Variants in TAOK2 observed in about 807,000 individuals in gnomAD.
TAOK2 encodes the protein TAO kinase 2, also known as serine/threonine-protein kinase TAO2.
Under a neutral mutation model 122.5 loss-of-function variants are expected in TAOK2, and 42 were observed. The observed-to-expected ratio is 0.34, with a 90% CI of 0.27 to 0.44. TAOK2 has a LOEUF of 0.44. Ranked by LOEUF, TAOK2 falls within the 20% of genes least tolerant of loss-of-function variation. TAOK2 has a pLI of 1.00. For synonymous variants in TAOK2, 704 were observed against 677.6 expected (o/e 1.04, Z -0.61); for missense variants, 1,264 against 1,644.9 (o/e 0.77, Z 4.01).
In TAOK2 at chr16:29,978,758, G is replaced by T; in HGVS notation, c.307-41G>T. 6.2e-7 allele frequency: 1 copy of T among 1,612,536 alleles called. No individual in the cohort carries two copies. Among genetic ancestry groups the T allele is most frequent in the Non-Finnish European group, 8.5e-7 (1 of 1,178,714 alleles). ...CAAGGAAGCTCTGTTTTGAGTCCCT[G>T]CCCAGGAGACTCTGATCTCTGACCC... On this transcript the variant is annotated intron_variant, in intron 4 of 15. Transcript: ENST00000308893.
At chr16:29,975,499 G>T (rs919048094) in intron 1 of TAOK2, among the ~76,000 whole-genome samples, 2 of 152,182 alleles carry the variant, frequency 1.3e-5, no homozygotes, top group Non-Finnish European at 2.9e-5. Context: ...CCAGGCTGGG[G>T]TGAGGTTTAA....
Position 29,974,226 on chromosome 16 carries a change from T to C in TAOK2, c.-458T>C, listed in dbSNP as rs1247659275. The C allele has an allele frequency of 6.6e-6, 1 of 152,444 alleles. No homozygotes were observed. The highest frequency in any genetic ancestry group is 1.5e-5 in the Non-Finnish European group (1 of 68,054). The allele number at this position is 152,444 out of a possible 1,614,324, so 9.4% of individuals were successfully genotyped here. ...GATACCCGGGTAACAGTCCTCATAG[T>C]CCAGATATCCGGGACTCGGGTCCCA... On this transcript the variant is annotated 5_prime_UTR_variant, in exon 1 of 16. Coordinates refer to ENST00000308893, the MANE Select transcript of TAOK2 (RefSeq NM_016151.4).
At chr16:29,982,023 A>G in intron 10 of TAOK2, 83 bp downstream of exon 10, 3 of 1,171,248 alleles carry the variant, frequency 2.6e-6, no homozygotes, top group Non-Finnish European at 3.7e-6. Flanking sequence ...AGTGGTTCCC[A>G]GTTCCTCCTC....
In TAOK2 at chr16:29,987,033, T is replaced by C; in HGVS notation, c.2761T>C (p.Cys921Arg). Residue 921 changes from cysteine to arginine, a missense_variant, in exon 16 of 16, where the codon TGT (cysteine) becomes CGT (arginine). Coordinates refer to ENST00000308893, the MANE Select transcript of TAOK2 (RefSeq NM_016151.4). ...IGTPRDPGDG[C>R]PSPDIPPEPP... ...GACCCCTAGGGATCCTGGAGATGGT[T>C]GTCCTTCCCCCGACATCCCTCCTGA... The C allele has an allele frequency of 6.2e-7, 1 of 1,612,198 alleles. No individual in the cohort carries two copies. Among genetic ancestry groups the C allele is most frequent in the Non-Finnish European group, 8.5e-7 (1 of 1,178,898 alleles).
rs78092725 is a variant in TAOK2 at position 29,987,657 on chromosome 16, G to A, written c.3385G>A (p.Val1129Ile). 1,565 of 1,613,694 alleles carry A rather than the reference G, an allele frequency of 9.7e-4. 2 individuals carry two copies. Among genetic ancestry groups the A allele is most frequent in the Middle Eastern group, 9.1e-3 (55 of 6,060 alleles). Residue 1129 changes from valine (V) to isoleucine (I), a missense_variant, in exon 16 of 16, where the codon GTC (valine) becomes ATC (isoleucine). Around this residue, in one of 4 missense-constraint regions of TAOK2, gnomAD observed 824 missense variants for 908.7 expected, o/e 0.91. Coordinates refer to ENST00000308893, the MANE Select transcript of TAOK2 (RefSeq NM_016151.4). ...GGATGGCTTCCGCAGCCGCCTGCCC[G>A]TCCCTGGGCCCCGGCGGCGTAATCC... The part of the protein sequence containing the change: ...NKDGFRSRLP[V>I]PGPRRRNPRT...
At chr16:29,988,533 C>T (rs1161981681), downstream of TAOK2, 1 of 1,163,686 alleles carries the variant, frequency 8.6e-7, no homozygotes, top group Non-Finnish European at 1.1e-6. Flanking sequence ...ACTCCTCCAG[C>T]CTCATGCTCT....
Position 29,987,563 on chromosome 16 carries a change from C to A in TAOK2, c.3291C>A (p.Phe1097Leu), listed in dbSNP as rs1423760081. The A allele has an allele frequency of 1.2e-6, 2 of 1,612,790 alleles. No individual in the cohort carries two copies. Among genetic ancestry groups the A allele is most frequent in the African/African-American group, 1.3e-5 (1 of 75,008 alleles). ...RVLLRLSPMAFRALQGCGAVG... is the reference protein window; with the variant it reads ...RVLLRLSPMALRALQGCGAVG... ...TGCTGCGCCTGTCACCCATGGCCTT[C>A]CGGGCCCTGCAGGGCTGTGGGGCTG... Residue 1097 changes from phenylalanine to leucine, a missense_variant, in exon 16 of 16, where the codon TTC becomes TTA. Physicochemically the swap from Phe to Leu is conservative, Grantham distance 22 (BLOSUM62 0). Transcript: ENST00000308893.
At chr16:29,983,438 C>A in intron 12 of TAOK2, 65 bp from the exon 13 acceptor site, 1 of 1,566,480 alleles carries the variant, frequency 6.4e-7, no homozygotes, top group Admixed American at 1.8e-5. Flanking sequence ...ATTGGCTGTC[C>A]TCAGGTAGCT....
chr16:29,987,165 C>A lies in TAOK2; in HGVS notation c.2893C>A (p.Leu965Ile), dbSNP rs1279600569. ...LSFAVGSSSG[L>I]LPLLLLLLLP... ...CTTTGCAGTGGGGTCCTCCTCTGGC[C>A]TCCTGCCCCTCCTGCTGCTGCTGCT... Residue 965 changes from leucine to isoleucine, a missense_variant, in exon 16 of 16, where the codon CTC (leucine) becomes ATC (isoleucine). Leu to Ile is a conservative substitution (Grantham distance 5). Coordinates refer to ENST00000308893, the MANE Select transcript of TAOK2 (RefSeq NM_016151.4). 1 of 1,562,936 alleles carries A rather than the reference C, an allele frequency of 6.4e-7. No individual in the cohort carries two copies. The highest frequency in any genetic ancestry group is 8.6e-7 in the Non-Finnish European group (1 of 1,159,832).
At chr16:29,989,211 CTT>C (rs1427790701), downstream of TAOK2, 2 of 985,250 alleles carry the variant, frequency 2.0e-6, no homozygotes, top group African/African-American at 3.5e-5. Context: ...GTCTCTCCCT[CTT>C]TGCCTGGTCA....
In TAOK2 at chr16:29,978,975, G is replaced by A. The variant is rs1387706667; in HGVS notation, c.354G>A (p.Val118=). The A allele has an allele frequency of 3.7e-6, 6 of 1,614,032 alleles. No homozygotes were observed. The highest frequency in any genetic ancestry group is 5.1e-6 in the Non-Finnish European group (6 of 1,180,036). ...TTGATGTTCTTCCTCACTCTCCAGT[G>A]CACAAGAAACCCCTTCAGGAGGTAG... ...CLGSASDLLE[V]HKKPLQEVEI... is the part of the protein sequence containing the mutation. Residue 118 remains valine, a splice_region_variant and synonymous_variant, in exon 6 of 16, where the codon GTG becomes GTA. Transcript: ENST00000308893.
At chr16:29,990,462 A>AT (rs1258431445), downstream of TAOK2, 47 of 215,240 alleles carry the variant, frequency 2.2e-4, no homozygotes, top group East Asian at 7.7e-4. Context: ...CACCTGTCTC[A>AT]TTTTTTTTAC....
downstream of TAOK2, chr16:29,991,178 G>T (rs138517482): frequency 5.6e-6 from 9 of 1,610,836 alleles, no homozygotes; most frequent in Admixed American, 1.5e-4. This position sits in a 1 kb window ranked among gnomAD's most constrained non-coding sequence, Gnocchi z 5.6. Flanking sequence ...GCATGGCTCT[G>T]GGGGGCATCC....
chr16:29,986,699 G>A lies in TAOK2; in HGVS notation c.2427G>A (p.Leu809=), dbSNP rs138411657. ...TTCTGGGAAAGGAAGGGGCCACTTT[G>A]GAGCCCAAGCAGCAGAGGATTCTGG... ...RRILGKEGAT[L]EPKQQRILGE... Residue 809 remains leucine, a synonymous_variant, in exon 16 of 16, where the codon TTG becomes TTA. Transcript: ENST00000308893. The surrounding 1 kb of genome is among the most constrained non-coding windows in gnomAD (Gnocchi z 4.2). 2.9e-5 allele frequency: 47 copies of A among 1,613,884 alleles called. No homozygotes were observed. The highest frequency in any genetic ancestry group is 3.9e-5 in the Non-Finnish European group (46 of 1,179,930).
Position 29,983,235 on chromosome 16 carries a change from A to C in TAOK2, c.1163A>C (p.Glu388Ala). ...GAGGAGGAGGAGGAGGAGGAAGAGG[A>C]GGAGGAGGAAGAAGGCCCTGAAGCC... ...EEEEEEEEEE[E>A]EEEEGPEARE... The change falls in exon 12 of 16, where the codon GAG becomes GCG. Residue 388 changes from glutamate to alanine, a missense_variant. This residue lies in a region of TAOK2 where 122 missense variants were observed against 116.7 expected (regional missense o/e 1.04). Coordinates refer to ENST00000308893, the MANE Select transcript of TAOK2 (RefSeq NM_016151.4). 1 of 1,612,328 alleles carries C rather than the reference A, an allele frequency of 6.2e-7. No homozygotes were observed. The highest frequency in any genetic ancestry group is 8.5e-7 in the Non-Finnish European group (1 of 1,179,946).
At chr16:29,991,362 C>T (rs1245695032), downstream of TAOK2, 3 of 1,591,600 alleles carry the variant, frequency 1.9e-6, no homozygotes, top group Non-Finnish European at 1.7e-6. This position sits in a 1 kb window ranked among gnomAD's most constrained non-coding sequence, Gnocchi z 5.6. Context: ...CCCAAACTGG[C>T]TGGGGCCCCC....
intron 10 of TAOK2, 149 bp from the exon 11 acceptor site, chr16:29,982,585 T>C (rs1160896289): frequency 8.5e-6 from 9 of 1,060,880 alleles, no homozygotes; most frequent in Non-Finnish European, 1.2e-5. Context: ...TACAGAAAAT[T>C]GTGAGAGAAG....
At chr16:29,982,087 C>CT (rs2069635804) in intron 10 of TAOK2, 147 bp downstream of exon 10, 1 of 642,120 alleles carries the variant, frequency 1.6e-6, no homozygotes, top group South Asian at 1.9e-5. Context: ...CTAGTGGACT[C>CT]TGTGTTTTAC....
downstream of TAOK2, chr16:29,990,776 T>C: frequency 1.3e-6 from 2 of 1,599,596 alleles, no homozygotes; most frequent in South Asian, 1.1e-5. Flanking sequence ...GTTGTTCATC[T>C]TCCCCAGCTG....
Sources: allele counts gnomAD v4.1 joint callset (sites outside exome capture counted in the v4.1 genomes callset), GRCh38; gene constraint gnomAD v4.1.1; regional missense constraint gnomAD v4.1.1; non-coding constraint Gnocchi (gnomAD v3.1); transcripts MANE v1.5; gene names NCBI Gene and HGNC (gene_info 2026-07-23, HGNC 2026-07-21).